LGR6: variants seen among roughly 807,000 people sequenced by gnomAD.
LGR6 encodes leucine-rich repeat-containing G protein-coupled receptor 6.
Under a neutral mutation model 69.4 loss-of-function variants are expected in LGR6, and 45 were observed. The observed-to-expected ratio is 0.65, with a 90% CI of 0.51 to 0.83. The LOEUF is 0.83. Ranked by LOEUF, LGR6 falls within the 40% of genes least tolerant of loss-of-function variation. The pLI is 0.00. For missense variants in LGR6, 1,108 were observed against 1,246.7 expected (o/e 0.89, Z 1.68); for synonymous variants, 538 against 555.0 (o/e 0.97, Z 0.43).
intron 17 of LGR6, among the ~76,000 whole-genome samples, chr1:202,315,225 A>G (rs1654055017): frequency 6.6e-6 from 1 of 152,150 alleles, no homozygotes; most frequent in Non-Finnish European, 1.5e-5. Context: ...CTTTTGAGTA[A>G]TCCCTCAGTC....
At chr1:202,275,983 T>C (rs1416240636) in intron 4 of LGR6, among the ~76,000 whole-genome samples, 1 of 152,056 alleles carries the variant, frequency 6.6e-6, no homozygotes, top group Non-Finnish European at 1.5e-5. Context: ...ACATATGGTG[T>C]AGAGGATCAA....
intron 4 of LGR6, among the ~76,000 whole-genome samples, chr1:202,246,499 G>A (rs1235600779): frequency 2.8e-5 from 4 of 143,558 alleles, no homozygotes; most frequent in Admixed American, 7.3e-5. Context: ...AAACTTTGAC[G>A]AGTGCTTGAA....
At chr1:202,295,125 T>G (rs1287882001) in intron 6 of LGR6, among the ~76,000 whole-genome samples, 1 of 152,054 alleles carries the variant, frequency 6.6e-6, no homozygotes, top group African/African-American at 2.4e-5. Flanking sequence ...GTCAGGAGTT[T>G]GAGACCAGCC....
intron 16 of LGR6, among the ~76,000 whole-genome samples, chr1:202,311,846 G>C (rs1166561348): frequency 6.6e-6 from 1 of 152,158 alleles, no homozygotes; most frequent in Non-Finnish European, 1.5e-5. Flanking sequence ...TGTATGGAGG[G>C]CAAATGGTGG....
chr1:202,287,097 C>A (rs986433768), intron 6 of LGR6, among the ~76,000 whole-genome samples: 2 of 152,200 alleles, frequency 1.3e-5, no homozygotes, highest in African/African-American at 4.8e-5. Context: ...GGAGAGGAAA[C>A]AAAGTTCAGG....
intron 6 of LGR6, among the ~76,000 whole-genome samples, chr1:202,285,774 T>C (rs1666345778): frequency 6.6e-6 from 1 of 152,162 alleles, no homozygotes; most frequent in Non-Finnish European, 1.5e-5. Context: ...GTTAATTTCC[T>C]GTGGCTGCCA....
rs145678580 is a variant in LGR6 at position 202,257,304 on chromosome 1, A to C, written c.429-19002A>C. Reference sequence around the variant, plus strand: ...TGAAGCACAAAAGTTTTTAATTTCAATGAAGTCCAATTAGTCTATTTTTTG... The same window carrying C: ...TGAAGCACAAAAGTTTTTAATTTCACTGAAGTCCAATTAGTCTATTTTTTG... On this transcript the variant is annotated intron_variant, in intron 4 of 17. Coordinates refer to ENST00000367278, the MANE Select transcript of LGR6 (RefSeq NM_001017403.2). Among the ~76,000 whole-genome samples the C allele has an allele frequency of 5.9e-5, 9 of 152,276 alleles. No homozygotes were observed. In the East Asian group the frequency reaches 1.7e-3, roughly 29 times the overall value.
At chr1:202,202,701 G>A (rs575701732) in intron 1 of LGR6, among the ~76,000 whole-genome samples, 1 of 152,370 alleles carries the variant, frequency 6.6e-6, no homozygotes, top group East Asian at 1.9e-4. Context: ...GGAGGCACTT[G>A]GGAGGAGCGG....
At position 202,314,811 on chromosome 1, in the gene LGR6, A is replaced by T; in HGVS notation, c.1577A>T (p.Asp526Val). 1 of 1,613,688 alleles carries T rather than the reference A, an allele frequency of 6.2e-7. No homozygotes were observed. The highest frequency in any genetic ancestry group is 8.5e-7 in the Non-Finnish European group (1 of 1,179,684). Residue 526 changes from aspartate (D) to valine (V), a missense_variant, in exon 17 of 18, where the codon GAC becomes GTC. Coordinates refer to ENST00000367278, the MANE Select transcript of LGR6 (RefSeq NM_001017403.2). ...TTGTCTCTCCTTTCAGATGACCAGG[A>T]CCTGGATGAGCTCCAGCTGGAGATG... Reference protein sequence around the residue: ...ARQAENHYDQDLDELQLEMED... With the variant: ...ARQAENHYDQVLDELQLEMED...
intron 4 of LGR6, among the ~76,000 whole-genome samples, chr1:202,258,946 T>G (rs1388378781): frequency 6.6e-6 from 1 of 152,074 alleles, no homozygotes; most frequent in African/African-American, 2.4e-5. Context: ...ATAATAGACT[T>G]TACCATGTTG....
In LGR6 at chr1:202,301,234, C is replaced by G; in HGVS notation, c.928C>G (p.Leu310Val). The G allele has an allele frequency of 6.2e-7, 1 of 1,613,950 alleles. No individual in the cohort carries two copies. ...AFQYLPKLHT[L>V]SLNGAMDIQE... Reference sequence around the variant, plus strand: ...CCAGTACCTGCCTAAACTCCACACACTGTAAGTTGGCTCCTGAAGGCTGCT... The same window carrying G: ...CCAGTACCTGCCTAAACTCCACACAGTGTAAGTTGGCTCCTGAAGGCTGCT... The change falls in exon 9 of 18, where the codon CTA (leucine) becomes GTA (valine). Residue 310 changes from leucine to valine, a missense_variant and splice_region_variant. Transcript: ENST00000367278.
intron 4 of LGR6, among the ~76,000 whole-genome samples, chr1:202,259,197 T>C (rs568693478): frequency 1.2e-4 from 18 of 152,276 alleles, no homozygotes; most frequent in African/African-American, 4.3e-4. Flanking sequence ...TAATAAAATA[T>C]TCATAAATGA....
intron 1 of LGR6, chr1:202,197,391 A>T (rs947170978): frequency 3.8e-6 from 2 of 532,910 alleles, no homozygotes; most frequent in African/African-American, 3.8e-5. Flanking sequence ...CGGACTTCAG[A>T]TACTCACAAT....
intron 16 of LGR6, among the ~76,000 whole-genome samples, chr1:202,312,138 C>T (rs547645340): frequency 7.2e-5 from 11 of 152,356 alleles, no homozygotes; most frequent in African/African-American, 1.4e-4. Flanking sequence ...CCGCCTGTAA[C>T]GGGAGCTAGG....
chr1:202,303,428 G>A (rs1198523184), intron 10 of LGR6, 81 bp downstream of exon 10: 1 of 1,114,122 alleles, frequency 9.0e-7, no homozygotes, highest in Non-Finnish European at 1.4e-6. Flanking sequence ...CCCCTGGAAG[G>A]CTGTCTAGGT....
In LGR6 at chr1:202,194,137, G is replaced by C. The variant is rs1391869265; in HGVS notation, c.148G>C (p.Ala50Pro). ...CCAGGAGGACGGCATCATGCTGTCT[G>C]CCGACTGCTCTGAGCTCGGGCTGTC... ...HCQEDGIMLS[A>P]DCSELGLSAV... Residue 50 changes from alanine to proline, a missense_variant, in exon 1 of 18, where the codon GCC (alanine) becomes CCC (proline). Coordinates refer to ENST00000367278, the MANE Select transcript of LGR6 (RefSeq NM_001017403.2). 20 of 1,573,358 alleles carry C rather than the reference G, an allele frequency of 1.3e-5. No individual in the cohort carries two copies. Among genetic ancestry groups the C allele is most frequent in the Non-Finnish European group, 1.7e-5 (20 of 1,168,990 alleles).
At chr1:202,302,682 G>T (rs1331840717) in intron 9 of LGR6, among the ~76,000 whole-genome samples, 2 of 152,146 alleles carry the variant, frequency 1.3e-5, no homozygotes, top group Non-Finnish European at 2.9e-5. Flanking sequence ...GAGTAGCTGA[G>T]ATTACAGGCG....
At chr1:202,267,928 G>T (rs955758535) in intron 4 of LGR6, among the ~76,000 whole-genome samples, 1 of 152,172 alleles carries the variant, frequency 6.6e-6, no homozygotes, top group African/African-American at 2.4e-5. Context: ...GGCATTTCAG[G>T]CAGTCTGATA....
chr1:202,224,711 A>T (rs1472019612), intron 1 of LGR6, among the ~76,000 whole-genome samples: 2 of 152,176 alleles, frequency 1.3e-5, no homozygotes, highest in African/African-American at 4.8e-5. Context: ...GCCTCGGCTG[A>T]TCTGACAGGA....
Sources: allele counts gnomAD v4.1 joint callset (sites outside exome capture counted in the v4.1 genomes callset), GRCh38; gene constraint gnomAD v4.1.1; transcripts MANE v1.5; gene names NCBI Gene and HGNC (gene_info 2026-07-23, HGNC 2026-07-21).